ABCG1: variants seen among roughly 807,000 people sequenced by gnomAD.
ABCG1 encodes the protein ATP binding cassette subfamily G member 1, also known as ATP-binding cassette sub-family G member 1.
In ABCG1, 29 loss-of-function variants were observed where a neutral mutation model predicts 69.2. The observed-to-expected ratio is 0.42, with a 90% CI of 0.31 to 0.57. ABCG1 has a LOEUF of 0.57. Among genes scored for constraint, ABCG1 ranks in the 20% least tolerant of loss-of-function variants. ABCG1 has a pLI of 0.15. For missense variants in ABCG1, 718 were observed against 898.1 expected (o/e 0.80, Z 2.56); for synonymous variants, 370 against 374.8 (o/e 0.99, Z 0.15).
At chr21:42,284,977 C>T (rs990358230) in intron 7 of ABCG1, among the ~76,000 whole-genome samples, 3 of 152,042 alleles carry the variant, frequency 2.0e-5, no homozygotes, top group East Asian at 3.9e-4. Context: ...CGTTTAAGTG[C>T]CAGGTTTTGT....
rs531387173 is a variant in ABCG1 at position 42,260,238 on chromosome 21, C to T, written c.287-10832C>T. ...CTTCAACCCTGCAGGTGGCATTGGG[C>T]GGCAAGCATTTCTAGGACCCAGCTT... is the stretch of plus-strand genomic sequence containing the variant. On this transcript the variant is annotated intron_variant, in intron 2 of 14. Coordinates refer to ENST00000398449, the MANE Select transcript of ABCG1 (RefSeq NM_016818.3). 8 of 1,527,648 alleles carry T rather than the reference C, an allele frequency of 5.2e-6. No individual in the cohort carries two copies. In the Admixed American group the frequency reaches 1.0e-4, roughly 20 times the overall value. 94.6% of individuals were successfully genotyped at this position (1,527,648 alleles called of 1,614,324 possible).
At position 42,291,529 on chromosome 21, in the gene ABCG1, T is replaced by G; in HGVS notation, c.1526T>G (p.Val509Gly). The G allele has an allele frequency of 6.2e-7, 1 of 1,613,704 alleles. No individual in the cohort carries two copies. Among genetic ancestry groups the G allele is most frequent in the Non-Finnish European group, 8.5e-7 (1 of 1,179,796 alleles). ...TTCCCAGTGGCCTACTGCAGCATCG[T>G]GTACTGGATGACGTCGCAGCCGTCC... is the stretch of plus-strand genomic sequence containing the variant. ...IMFPVAYCSI[V>G]YWMTSQPSDA... Residue 509 changes from valine to glycine, a missense_variant, in exon 13 of 15, where the codon GTG becomes GGG. Physicochemically the swap from Val to Gly is moderately radical, Grantham distance 109. Coordinates refer to ENST00000398449, the MANE Select transcript of ABCG1 (RefSeq NM_016818.3). This position sits in a 1 kb window ranked among gnomAD's most constrained non-coding sequence, Gnocchi z 6.4.
intron 1 of ABCG1, among the ~76,000 whole-genome samples, chr21:42,200,616 G>A (rs1464268821): frequency 4.6e-5 from 5 of 109,342 alleles, no homozygotes; most frequent in Admixed American, 9.4e-5. Context: ...TTTTTTAGAC[G>A]GAGTCTCCCT....
chr21:42,205,563 G>A (rs933849977), intron 2 of ABCG1, among the ~76,000 whole-genome samples: 15 of 149,982 alleles, frequency 1.0e-4, no homozygotes, highest in South Asian at 2.1e-4. Context: ...ATGACACTGC[G>A]CTCCAGCCTG....
At chr21:42,269,952 C>T (rs2068585933) in intron 2 of ABCG1, among the ~76,000 whole-genome samples, 1 of 152,194 alleles carries the variant, frequency 6.6e-6, no homozygotes, top group South Asian at 2.1e-4. Context: ...ACAGTGGATT[C>T]TGATCTGATA....
intron 2 of ABCG1, among the ~76,000 whole-genome samples, chr21:42,246,827 T>A (rs1489931048): frequency 6.6e-6 from 1 of 152,192 alleles, no homozygotes; most frequent in East Asian, 1.9e-4. Context: ...ATTTGAATCT[T>A]ATATGCCTGT....
rs149115557 is a variant in ABCG1, at chr21:42,239,866, C to T, written c.286+13952C>T. ...TCACTTGGGTGATGAGCCTTTGTCA[C>T]GTGGCCTCTGCAGAATCAGCTAGCT... On this transcript the variant is annotated intron_variant, in intron 2 of 14. Coordinates refer to ENST00000398449, the MANE Select transcript of ABCG1 (RefSeq NM_016818.3). Among the ~76,000 whole-genome samples, 469 of 152,352 alleles carry T rather than the reference C, an allele frequency of 3.1e-3. 3 individuals carry two copies. Among genetic ancestry groups the T allele is most frequent in the African/African-American group, 0.011 (437 of 41,584 alleles).
intron 2 of ABCG1, among the ~76,000 whole-genome samples, chr21:42,208,122 A>C (rs1173663679): frequency 6.6e-6 from 1 of 152,076 alleles, no homozygotes; most frequent in Non-Finnish European, 1.5e-5. Flanking sequence ...TTATTCTGGA[A>C]TGTTTGGTTG....
At chr21:42,280,464 G>A (rs2068787845) in intron 5 of ABCG1, among the ~76,000 whole-genome samples, 1 of 152,240 alleles carries the variant, frequency 6.6e-6, no homozygotes, top group African/African-American at 2.4e-5. Context: ...TCCCTGGAGC[G>A]CCCGCCGGGA....
Position 42,294,527 on chromosome 21 carries a change from T to C in ABCG1, c.1654-15T>C. On this transcript the variant is annotated splice_polypyrimidine_tract_variant and intron_variant, in intron 13 of 14. Coordinates refer to ENST00000398449, the MANE Select transcript of ABCG1 (RefSeq NM_016818.3). Reference sequence around the variant, plus strand: ...CAGGTTCTGCTACATCTGTCCTGTGTGCCCCCAACTCCAGGTGGCCACTTT... The same window carrying C: ...CAGGTTCTGCTACATCTGTCCTGTGCGCCCCCAACTCCAGGTGGCCACTTT... The C allele has an allele frequency of 6.2e-7, 1 of 1,603,790 alleles. No homozygotes were observed. Among genetic ancestry groups the C allele is most frequent in the Non-Finnish European group, 8.5e-7 (1 of 1,170,596 alleles).
rs939784085 is a variant in ABCG1 at position 42,284,492 on chromosome 21, C to T, written c.735-68C>T. On this transcript the variant is annotated intron_variant, in intron 6 of 14. Transcript: ENST00000398449. ...CTCTGGGACAGGAACTCCCTGGACC[C>T]CCGGAACCTGGGGCAGTGGCTAGTT... is the stretch of plus-strand genomic sequence containing the variant. 1.0e-5 allele frequency: 16 copies of T among 1,581,304 alleles called. No homozygotes were observed. The Admixed American group carries it at 2.2e-4, about 22-fold the overall frequency.
chr21:42,259,893 A>G lies in ABCG1; in HGVS notation c.287-11177A>G, dbSNP rs966004104. 1.9e-5 allele frequency: 28 copies of G among 1,448,914 alleles called. No homozygotes were observed. The African/African-American group carries it at 4.0e-4, about 21-fold the overall frequency. The allele number at this position is 1,448,914 out of a possible 1,614,324, so 89.8% of individuals were successfully genotyped here. On this transcript the variant is annotated intron_variant, in intron 2 of 14. Coordinates refer to ENST00000398449, the MANE Select transcript of ABCG1 (RefSeq NM_016818.3). Reference sequence around the variant, plus strand: ...ATGGCAAAGGAGCACAGCGGGAGAAAGAAGGCCCCCAGGCTTGAGCGGCCC... The same window carrying G: ...ATGGCAAAGGAGCACAGCGGGAGAAGGAAGGCCCCCAGGCTTGAGCGGCCC...
At chr21:42,231,546 C>T (rs73225427) in intron 2 of ABCG1, among the ~76,000 whole-genome samples, 6,898 of 152,348 alleles carry the variant, frequency 0.045, 275 homozygotes, top group Middle Eastern at 0.11. Flanking sequence ...TTTCTATAGC[C>T]ATTTCACAAG....
At chr21:42,231,595 T>C (rs3787972) in intron 2 of ABCG1, among the ~76,000 whole-genome samples, 80,962 of 152,178 alleles carry the variant, frequency 0.53, 23,224 homozygotes, top group African/African-American at 0.76. Flanking sequence ...ATGGAAGGCA[T>C]CATGAATAAA....
At chr21:42,201,527 G>A (rs917709469) in intron 1 of ABCG1, 4 of 1,293,500 alleles carry the variant, frequency 3.1e-6, no homozygotes, top group African/African-American at 3.0e-5. Flanking sequence ...GCTACCCTGA[G>A]TTAATCTGAG....
chr21:42,208,543 C>T (rs547355608), intron 2 of ABCG1, among the ~76,000 whole-genome samples: 1 of 152,280 alleles, frequency 6.6e-6, no homozygotes, highest in Admixed American at 6.5e-5. Context: ...GAAATCTGCC[C>T]ATTTGGAATA....
In ABCG1 at chr21:42,225,696, T is replaced by G; in HGVS notation, c.68T>G (p.Met23Arg). 2 of 1,613,572 alleles carry G rather than the reference T, an allele frequency of 1.2e-6. No individual in the cohort carries two copies. The highest frequency in any genetic ancestry group is 1.7e-6 in the Non-Finnish European group (2 of 1,179,938). ...AMNASSYSAEMTEPKSVCVSV... is the reference protein window; with the variant it reads ...AMNASSYSAERTEPKSVCVSV... Reference sequence around the variant, plus strand: ...AATGCCAGCAGTTACTCTGCAGAGATGACGGAGCCCAAGTCGGTGTGTGTC... The same window carrying G: ...AATGCCAGCAGTTACTCTGCAGAGAGGACGGAGCCCAAGTCGGTGTGTGTC... Residue 23 changes from methionine to arginine, a missense_variant, in exon 2 of 15, where the codon ATG (methionine) becomes AGG (arginine). Transcript: ENST00000398449.
At chr21:42,294,801 A>G (rs2069171725) in intron 14 of ABCG1, 141 bp downstream of exon 14, 1 of 730,386 alleles carries the variant, frequency 1.4e-6, no homozygotes, top group Non-Finnish European at 2.4e-6. Flanking sequence ...CAGGCCTTCC[A>G]TCTTCCTGCT....
At chr21:42,246,449 C>T (rs751219460) in intron 2 of ABCG1, among the ~76,000 whole-genome samples, 4 of 152,202 alleles carry the variant, frequency 2.6e-5, no homozygotes, top group African/African-American at 9.7e-5. Context: ...CTGCTTTGCT[C>T]TGATGGCTAA....
Sources: gnomAD v4.1 joint callset for allele counts (sites outside exome capture counted in the v4.1 genomes callset) on GRCh38, gnomAD v4.1.1 for gene constraint, Gnocchi (gnomAD v3.1) non-coding constraint, MANE v1.5 for transcripts, NCBI Gene and HGNC (gene_info 2026-07-23, HGNC 2026-07-21) for gene names.